The following EVC2 variants were observed in gnomAD, a reference collection of about 807,000 sequenced individuals.
EVC2 encodes the protein EvC ciliary complex subunit 2.
Under a neutral mutation model 149.3 loss-of-function variants are expected in EVC2, and 148 were observed. That is an observed-to-expected ratio of 0.99 (90% CI 0.87 to 1.14). The LOEUF is 1.14. Among genes scored for constraint, EVC2 ranks in the 50% most tolerant of loss-of-function variants. The probability of loss-of-function intolerance (pLI) is 0.00; values close to 1 mark genes in which losing one functional copy is unlikely to be tolerated. For synonymous variants in EVC2, 776 were observed against 649.9 expected (o/e 1.19, Z -2.95); for missense variants, 1,854 against 1,627.3 (o/e 1.14, Z -2.40).
chr4:5,606,249 A>C (rs929448713), intron 16 of EVC2, among the ~76,000 whole-genome samples: 5 of 152,330 alleles, frequency 3.3e-5, no homozygotes, highest in Middle Eastern at 3.4e-3. Flanking sequence ...AGCGGAAAAC[A>C]CCCAGCCTTT....
chr4:5,608,048 G>A (rs1577150592), intron 16 of EVC2, among the ~76,000 whole-genome samples: 1 of 152,134 alleles, frequency 6.6e-6, no homozygotes. Context: ...CCGGGCTATG[G>A]AGGCAGACAC....
intron 1 of EVC2, among the ~76,000 whole-genome samples, chr4:5,704,596 A>G (rs1014421647): frequency 1.3e-5 from 2 of 152,174 alleles, no homozygotes; most frequent in Non-Finnish European, 2.9e-5. Context: ...AGAAGGAAGA[A>G]GAGAACCCAG....
At chr4:5,706,641 T>C (rs1232254066) in intron 1 of EVC2, among the ~76,000 whole-genome samples, 1 of 152,022 alleles carries the variant, frequency 6.6e-6, no homozygotes, top group African/African-American at 2.4e-5. Flanking sequence ...GGGCTGTGAC[T>C]TGTCCCAGGC....
In EVC2 at chr4:5,622,128, T is replaced by A. The variant is rs1454546775; in HGVS notation, c.2501+409A>T. Among the ~76,000 whole-genome samples, 1 of 152,032 alleles carries A rather than the reference T, an allele frequency of 6.6e-6. No homozygotes were observed. The highest frequency in any genetic ancestry group is 2.4e-5 in the African/African-American group (1 of 41,420). ...GGAATGGCCTAACCGCAAGCTCCCC[T>A]TCCCCCTCTGCTCCTGTGGATCATG... On this transcript the variant is annotated intron_variant, in intron 14 of 21. Coordinates refer to ENST00000344408, the MANE Select transcript of EVC2 (RefSeq NM_147127.5). This position sits in a 1 kb window ranked among gnomAD's most constrained non-coding sequence, Gnocchi z 5.8.
intron 8 of EVC2, 140 bp from the exon 9 acceptor site, chr4:5,663,386 C>T: frequency 1.7e-6 from 2 of 1,148,692 alleles, no homozygotes; most frequent in South Asian, 2.5e-5. Context: ...TAAACCCAGA[C>T]AAGCTTTTGC....
chr4:5,612,939 A>G (rs1446790377), intron 16 of EVC2, among the ~76,000 whole-genome samples: 48 of 142,552 alleles, frequency 3.4e-4, no homozygotes, highest in Non-Finnish European at 5.3e-4. Flanking sequence ...AAAAAAAAAA[A>G]AAAAAAAAAA....
At chr4:5,628,240 A>G (rs1255473795) in intron 12 of EVC2, among the ~76,000 whole-genome samples, 2 of 152,082 alleles carry the variant, frequency 1.3e-5, no homozygotes, top group Non-Finnish European at 2.9e-5. Context: ...TGACAGTATT[A>G]AGAGACGGGA....
intron 19 of EVC2, among the ~76,000 whole-genome samples, chr4:5,573,658 A>G (rs1722758731): frequency 6.6e-6 from 1 of 152,210 alleles, no homozygotes; most frequent in Non-Finnish European, 1.5e-5. Context: ...CTTTAAGGTA[A>G]GTTTGTAGCT....
At chr4:5,563,527 A>G (rs1288396728) in intron 21 of EVC2, among the ~76,000 whole-genome samples, 1 of 152,096 alleles carries the variant, frequency 6.6e-6, no homozygotes, top group Non-Finnish European at 1.5e-5. Flanking sequence ...CTTTTAATAG[A>G]GACGGGGTTT....
chr4:5,548,016 A>G (rs978092628), intron 21 of EVC2, among the ~76,000 whole-genome samples: 1 of 151,854 alleles, frequency 6.6e-6, no homozygotes, highest in African/African-American at 2.4e-5. Context: ...CCTCGCAGAG[A>G]GTCGGTGCCC....
intron 16 of EVC2, among the ~76,000 whole-genome samples, chr4:5,599,970 C>T (rs558879075): frequency 6.6e-6 from 1 of 152,320 alleles, no homozygotes; most frequent in African/African-American, 2.4e-5. Flanking sequence ...ATTTTAGACA[C>T]AGACAAATTA....
intron 9 of EVC2, among the ~76,000 whole-genome samples, chr4:5,648,598 A>T (rs1427418545): frequency 1.3e-5 from 2 of 152,212 alleles, no homozygotes; most frequent in African/African-American, 2.4e-5. Context: ...GAAGGCACAC[A>T]GCACAGTCTG....
chr4:5,708,762 C>T (rs192796675), upstream of EVC2: 238 of 405,536 alleles, frequency 5.9e-4, 1 homozygote, highest in East Asian at 9.4e-3. Flanking sequence ...CAAACCGAAT[C>T]AGAGCGGGTC....
At chr4:5,694,252 C>G in intron 3 of EVC2, 83 bp downstream of exon 3, 1 of 1,460,458 alleles carries the variant, frequency 6.8e-7, no homozygotes, top group South Asian at 1.2e-5. Context: ...GCAACAAAAA[C>G]CCGTGCCATT....
In EVC2 at chr4:5,642,012, T is replaced by C. The variant is rs182927083; in HGVS notation, c.1146-1174A>G. Among the ~76,000 whole-genome samples the C allele has an allele frequency of 2.0e-3, 302 of 152,292 alleles. 2 individuals are homozygous for C. The highest frequency in any genetic ancestry group is 6.9e-3 in the African/African-American group (285 of 41,552). ...TGTCCATATGTTCTCATTGTTCAAC[T>C]CCCACTTATGAGTGAGAACATGCAG... On this transcript the variant is annotated intron_variant, in intron 9 of 21. Coordinates refer to ENST00000344408, the MANE Select transcript of EVC2 (RefSeq NM_147127.5).
intron 9 of EVC2, among the ~76,000 whole-genome samples, chr4:5,659,214 C>T (rs921512672): frequency 1.3e-5 from 2 of 152,036 alleles, no homozygotes; most frequent in African/African-American, 4.8e-5. Context: ...CCCAGCTAAG[C>T]TTCATGTTAG....
intron 17 of EVC2, among the ~76,000 whole-genome samples, chr4:5,577,528 G>A (rs185712571): frequency 1.3e-5 from 2 of 152,260 alleles, no homozygotes. Flanking sequence ...GGTGGTCCTT[G>A]ATCCTCCTAA....
chr4:5,587,501 T>A (rs1454121935), intron 16 of EVC2, among the ~76,000 whole-genome samples: 1 of 152,234 alleles, frequency 6.6e-6, no homozygotes, highest in African/African-American at 2.4e-5. Context: ...TTTGGAAGAT[T>A]TTTAAAATTA....
rs1718917483 is a variant in EVC2 at position 5,662,111 on chromosome 4, T to C, written c.1145+996A>G. ...TTATTTTCTATACTCAATACCCCAA[T>C]CTGCACATCAGCCACACTTGGCTAC... On this transcript the variant is annotated intron_variant, in intron 9 of 21. Coordinates refer to ENST00000344408, the MANE Select transcript of EVC2 (RefSeq NM_147127.5). Among the ~76,000 whole-genome samples, 3 of 152,146 alleles carry C rather than the reference T, an allele frequency of 2.0e-5. No individual in the cohort carries two copies. The South Asian group carries it at 6.2e-4, about 32-fold the overall frequency.
Sources: allele counts gnomAD v4.1 joint callset (sites outside exome capture counted in the v4.1 genomes callset), GRCh38; gene constraint gnomAD v4.1.1; non-coding constraint Gnocchi (gnomAD v3.1); transcripts MANE v1.5; gene names NCBI Gene and HGNC (gene_info 2026-07-23, HGNC 2026-07-21).